The following CAST variants were observed in gnomAD, a reference collection of about 807,000 sequenced individuals.
CAST encodes MIR583 host.
A neutral mutation model predicts 119.6 loss-of-function variants in CAST; 76 were observed. The observed-to-expected ratio is 0.64, with a 90% CI of 0.53 to 0.77. The LOEUF (loss-of-function observed/expected upper bound fraction) is 0.77. Ranked by LOEUF, CAST falls within the 30% of genes least tolerant of loss-of-function variation. CAST has a pLI of 0.00. For synonymous variants in CAST, 319 were observed against 331.6 expected (o/e 0.96, Z 0.41); for missense variants, 953 against 946.5 (o/e 1.01, Z -0.09).
chr5:96,156,962 T>C, the CAST span, among the ~76,000 whole-genome samples: 2 of 152,222 alleles, frequency 1.3e-5, no homozygotes, highest in African/African-American at 4.8e-5. Context: ...ACATTTCCTA[T>C]TAAAATAATA....
the CAST span, among the ~76,000 whole-genome samples, chr5:96,304,403 TG>T: frequency 1.3e-5 from 2 of 152,254 alleles, no homozygotes; most frequent in Admixed American, 1.3e-4. Context: ...GTAGGTTTCC[TG>T]TTCACTCTGA....
At chr5:96,608,737 G>T (rs1399697804) in intron 1 of CAST, among the ~76,000 whole-genome samples, 1 of 152,176 alleles carries the variant, frequency 6.6e-6, no homozygotes, top group African/African-American at 2.4e-5. Context: ...TCTGCAGGCT[G>T]TACAGGAAGC....
the CAST span, among the ~76,000 whole-genome samples, chr5:95,974,415 A>G: frequency 6.6e-6 from 1 of 152,206 alleles, no homozygotes; most frequent in Admixed American, 6.5e-5. Flanking sequence ...TTCAATAGAG[A>G]GATAAATGTT....
chr5:96,109,276 A>C, the CAST span, among the ~76,000 whole-genome samples: 1 of 152,216 alleles, frequency 6.6e-6, no homozygotes, highest in Non-Finnish European at 1.5e-5. Context: ...GAATTATAAC[A>C]TTTTTAAACA....
chr5:95,994,852 A>G, the CAST span, among the ~76,000 whole-genome samples: 1 of 152,158 alleles, frequency 6.6e-6, no homozygotes, highest in Non-Finnish European at 1.5e-5. Context: ...AAAAGTCAGA[A>G]ACCTGTCAAA....
chr5:96,467,742 C>T, the CAST span, among the ~76,000 whole-genome samples: 21 of 151,626 alleles, frequency 1.4e-4, no homozygotes, highest in African/African-American at 4.4e-4. Flanking sequence ...TAGCTGTTGG[C>T]GTGGATGTGG....
At chr5:96,632,863 C>A (rs905136085) in intron 1 of CAST, among the ~76,000 whole-genome samples, 3 of 152,182 alleles carry the variant, frequency 2.0e-5, no homozygotes, top group African/African-American at 7.2e-5. Flanking sequence ...AGTTCTCCAA[C>A]TTTGCTCTTA....
chr5:96,757,502 A>T lies in CAST; in HGVS notation c.1761+8A>T. 1 of 1,614,016 alleles carries T rather than the reference A, an allele frequency of 6.2e-7. No individual in the cohort carries two copies. The highest frequency in any genetic ancestry group is 8.5e-7 in the Non-Finnish European group (1 of 1,179,874). On this transcript the variant is annotated splice_region_variant and intron_variant, in intron 23 of 31. Coordinates refer to ENST00000675179, the MANE Select transcript of CAST (RefSeq NM_001750.7). ...TCTAAGGAACAGCTTCCAGTAAGCA[A>T]ACCAGTTTTCTCTGAGGATATCTTT... is the stretch of plus-strand genomic sequence containing the variant.
At chr5:96,388,193 T>C in the CAST span, among the ~76,000 whole-genome samples, 1 of 152,194 alleles carries the variant, frequency 6.6e-6, no homozygotes, top group African/African-American at 2.4e-5. Context: ...ATGAGAATGA[T>C]GGGCGCATAA....
chr5:96,321,111 G>T, the CAST span, among the ~76,000 whole-genome samples: 2 of 152,174 alleles, frequency 1.3e-5, no homozygotes, highest in African/African-American at 4.8e-5. Context: ...TCATCACTCA[G>T]CTATCTGCCT....
chr5:96,337,826 C>T, the CAST span, among the ~76,000 whole-genome samples: 1 of 152,212 alleles, frequency 6.6e-6, no homozygotes, highest in Admixed American at 6.5e-5. Context: ...CTTCTCTCTT[C>T]ATTAGTTTAC....
At chr5:96,085,748 C>T in the CAST span, among the ~76,000 whole-genome samples, 231 of 152,302 alleles carry the variant, frequency 1.5e-3, 1 homozygote, top group Non-Finnish European at 2.5e-3. Context: ...CACTCATGGG[C>T]TTGGGCAGCT....
intron 2 of CAST, among the ~76,000 whole-genome samples, chr5:96,692,079 T>C (rs1752789517): frequency 6.6e-6 from 1 of 152,322 alleles, no homozygotes; most frequent in Non-Finnish European, 1.5e-5. Flanking sequence ...TGGTGCAATA[T>C]CATATAAAAA....
the CAST span, among the ~76,000 whole-genome samples, chr5:96,460,529 G>A: frequency 6.3e-4 from 94 of 149,568 alleles, 2 homozygotes; most frequent in Non-Finnish European, 8.9e-5. Context: ...ATGTGTCCCA[G>A]AACTTAAAGT....
At chr5:96,747,436 A>C in intron 18 of CAST, 44 bp downstream of exon 18, 1 of 1,190,494 alleles carries the variant, frequency 8.4e-7, no homozygotes, top group African/African-American at 1.5e-5. Flanking sequence ...AACAATAGAC[A>C]TGTAAAGTAT....
At chr5:96,129,080 A>G in the CAST span, among the ~76,000 whole-genome samples, 8 of 152,112 alleles carry the variant, frequency 5.3e-5, no homozygotes, top group African/African-American at 1.9e-4. Flanking sequence ...CTACCTAGCA[A>G]TAGAGACCAT....
rs755306194 is a variant in CAST, at chr5:96,740,053, A to G, written c.814A>G (p.Thr272Ala). 7 of 1,568,786 alleles carry G rather than the reference A, an allele frequency of 4.5e-6. No homozygotes were observed. Among genetic ancestry groups the G allele is most frequent in the Admixed American group, 1.7e-5 (1 of 57,838 alleles). ...GPEVSDPMSS[T>A]YIEELGKREV... The stretch of plus-strand genomic sequence containing the variant: ...TTTGTTCCAGGATCCAATGAGTTCC[A>G]CCTACATAGAGGAATTGGGTAAAAG... Residue 272 changes from threonine (T) to alanine (A), a missense_variant, in exon 12 of 32, where the codon ACC (threonine) becomes GCC (alanine). Coordinates refer to ENST00000675179, the MANE Select transcript of CAST (RefSeq NM_001750.7).
the CAST span, among the ~76,000 whole-genome samples, chr5:96,366,924 T>G: frequency 6.6e-6 from 1 of 152,154 alleles, no homozygotes; most frequent in African/African-American, 2.4e-5. Flanking sequence ...GAATTTTCAG[T>G]TTTTCTGCTC....
At chr5:96,165,501 G>GA in the CAST span, among the ~76,000 whole-genome samples, 2 of 151,354 alleles carry the variant, frequency 1.3e-5, no homozygotes, top group African/African-American at 4.9e-5. Flanking sequence ...TGTTGGTAAA[G>GA]AAAAAAAATG....
Sources: gnomAD v4.1 joint callset for allele counts (sites outside exome capture counted in the v4.1 genomes callset) on GRCh38, gnomAD v4.1.1 for gene constraint, MANE v1.5 for transcripts, NCBI Gene and HGNC (gene_info 2026-07-23, HGNC 2026-07-21) for gene names.